Variants in SHB observed in about 807,000 individuals in gnomAD.
The protein encoded by SHB is SH2 domain-containing adapter protein B.
Under a neutral mutation model 52.3 loss-of-function variants are expected in SHB, and 20 were observed. That is an observed-to-expected ratio of 0.38 (90% CI 0.27 to 0.56). The LOEUF is 0.56. SHB is among the 20% of genes least tolerant of loss of function. SHB has a pLI of 0.71. For missense variants in SHB, 825 were observed against 723.3 expected (o/e 1.14, Z -1.61); for synonymous variants, 397 against 316.5 (o/e 1.25, Z -2.70).
chr9:38,003,070 C>T (rs1176693946), intron 2 of SHB, among the ~76,000 whole-genome samples: 1 of 152,128 alleles, frequency 6.6e-6, no homozygotes, highest in African/African-American at 2.4e-5. Context: ...GCCCTTCCTC[C>T]TAATTTCTGG....
At chr9:37,936,145 G>A (rs1406957839) in intron 5 of SHB, among the ~76,000 whole-genome samples, 1 of 152,122 alleles carries the variant, frequency 6.6e-6, no homozygotes, top group Non-Finnish European at 1.5e-5. Context: ...GAACTTGGGA[G>A]GCAGAGGTTG....
intron 1 of SHB, among the ~76,000 whole-genome samples, chr9:38,028,616 A>T (rs1821374508): frequency 6.6e-6 from 1 of 152,198 alleles, no homozygotes; most frequent in South Asian, 2.1e-4. Context: ...TGGCACCTCT[A>T]ACCCGGCAAG....
intron 1 of SHB, among the ~76,000 whole-genome samples, chr9:38,019,301 T>A (rs574332450): frequency 6.6e-6 from 1 of 152,316 alleles, no homozygotes; most frequent in Admixed American, 6.5e-5. Context: ...TTCCACAGGT[T>A]TGTCCTCCTG....
intron 3 of SHB, among the ~76,000 whole-genome samples, chr9:37,960,140 A>G (rs955931841): frequency 6.6e-6 from 1 of 152,244 alleles, no homozygotes; most frequent in Non-Finnish European, 1.5e-5. Context: ...GTGATGAGTG[A>G]CAGGCTTAAT....
At chr9:38,025,652 G>A (rs1475905196) in intron 1 of SHB, among the ~76,000 whole-genome samples, 2 of 152,202 alleles carry the variant, frequency 1.3e-5, no homozygotes, top group African/African-American at 4.8e-5. Flanking sequence ...TCTGTGAAAT[G>A]AGGATGGGGC....
intron 2 of SHB, chr9:38,015,591 C>G (rs962276893): frequency 2.4e-5 from 15 of 630,918 alleles, no homozygotes; most frequent in Non-Finnish European, 3.4e-5. Flanking sequence ...CAGCTCTCTT[C>G]TACTAAGCAA....
chr9:38,059,167 C>T (rs1821859867), intron 1 of SHB, among the ~76,000 whole-genome samples: 1 of 152,252 alleles, frequency 6.6e-6, no homozygotes, highest in Non-Finnish European at 1.5e-5. Context: ...TGGGCTCTCA[C>T]AGCCCCCTGG....
At chr9:38,041,454 C>A (rs1821575234) in intron 1 of SHB, among the ~76,000 whole-genome samples, 1 of 152,122 alleles carries the variant, frequency 6.6e-6, no homozygotes, top group African/African-American at 2.4e-5. Context: ...CAGAGTTTTG[C>A]CAACTAGCAG....
intron 3 of SHB, among the ~76,000 whole-genome samples, chr9:37,962,173 C>A (rs1221173335): frequency 6.6e-6 from 1 of 152,214 alleles, no homozygotes; most frequent in African/African-American, 2.4e-5. Flanking sequence ...TCCAGGCAGG[C>A]CCCCTGTAAG....
intron 1 of SHB, among the ~76,000 whole-genome samples, chr9:38,061,919 C>G (rs1587270279): frequency 1.3e-5 from 2 of 152,306 alleles, no homozygotes; most frequent in South Asian, 2.1e-4. Flanking sequence ...TGTGCCAACT[C>G]TGTGCTCAGA....
chr9:38,026,395 G>A (rs898849636), intron 1 of SHB, among the ~76,000 whole-genome samples: 3 of 152,246 alleles, frequency 2.0e-5, no homozygotes, highest in South Asian at 2.1e-4. Flanking sequence ...GCGGGAACCC[G>A]CACTAAGTGA....
At chr9:37,958,679 C>T (rs1425465479) in intron 3 of SHB, among the ~76,000 whole-genome samples, 2 of 152,198 alleles carry the variant, frequency 1.3e-5, no homozygotes, top group Non-Finnish European at 2.9e-5. Context: ...CCTTTCCCAT[C>T]AGCTAATAAG....
chr9:38,051,830 A>G (rs1821754743), intron 1 of SHB, among the ~76,000 whole-genome samples: 1 of 152,214 alleles, frequency 6.6e-6, no homozygotes, highest in African/African-American at 2.4e-5. Flanking sequence ...GGAATTGTCC[A>G]GGGATCTTCA....
chr9:38,016,239 G>A, intron 1 of SHB, 108 bp from the exon 2 acceptor site: 2 of 1,281,908 alleles, frequency 1.6e-6, no homozygotes, highest in Non-Finnish European at 2.2e-6. Context: ...AGAGGCAGGG[G>A]AGGCAGGAAC....
intron 1 of SHB, among the ~76,000 whole-genome samples, chr9:38,058,340 C>CA (rs1277294560): frequency 6.6e-6 from 1 of 152,250 alleles, no homozygotes; most frequent in Admixed American, 6.5e-5. Flanking sequence ...CTCTGGACCC[C>CA]TAGGCCTCAG....
At chr9:38,027,312 C>A (rs1004617470) in intron 1 of SHB, among the ~76,000 whole-genome samples, 2 of 152,168 alleles carry the variant, frequency 1.3e-5, no homozygotes, top group Admixed American at 1.3e-4. Context: ...CCCACTTTCA[C>A]TGGGAAAACA....
intron 1 of SHB, among the ~76,000 whole-genome samples, chr9:38,060,319 CAT>C (rs1308869763): frequency 6.6e-6 from 1 of 152,132 alleles, no homozygotes; most frequent in Non-Finnish European, 1.5e-5. Context: ...GGATTACAGA[CAT>C]GTGCCAACAC....
intron 5 of SHB, among the ~76,000 whole-genome samples, chr9:37,925,973 T>TA (rs1233678398): frequency 6.6e-6 from 1 of 152,186 alleles, no homozygotes; most frequent in Non-Finnish European, 1.5e-5. Context: ...GCACTGCCTC[T>TA]ATGCTTGGCA....
intron 2 of SHB, among the ~76,000 whole-genome samples, chr9:37,976,959 CAGAAGCCAAG>C (rs1045964147): frequency 1.3e-5 from 2 of 152,172 alleles, no homozygotes; most frequent in African/African-American, 4.8e-5. Context: ...CACGAAGAAA[CAGAAGCCAAG>C]GATACTGTGC....
Sources: gnomAD v4.1 joint callset for allele counts (sites outside exome capture counted in the v4.1 genomes callset) on GRCh38, gnomAD v4.1.1 for gene constraint, MANE v1.5 for transcripts, NCBI Gene and HGNC (gene_info 2026-07-23, HGNC 2026-07-21) for gene names.